RGL1: variants seen among roughly 807,000 people sequenced by gnomAD.
RGL1 encodes ral guanine nucleotide dissociation stimulator like 1, also known as ral guanine nucleotide dissociation stimulator-like 1.
RGL1 carries 24 observed loss-of-function variants against 95.2 expected under a neutral mutation model. The observed-to-expected ratio is 0.25, with a 90% confidence interval of 0.18 to 0.35. The LOEUF (loss-of-function observed/expected upper bound fraction) is 0.35. RGL1 is among the 10% of genes least tolerant of loss of function. The probability of loss-of-function intolerance (pLI) is 1.00; values close to 1 mark genes in which losing one functional copy is unlikely to be tolerated. For synonymous variants in RGL1, 329 were observed against 344.9 expected (o/e 0.95, Z 0.51); for missense variants, 715 against 936.3 (o/e 0.76, Z 3.08).
At position 183,881,861 on chromosome 1, in the gene RGL1, C is replaced by T. The variant is rs1159660873; in HGVS notation, c.610+1061C>T. On this transcript the variant is annotated intron_variant, in intron 5 of 17. Transcript: ENST00000360851. ...AATACCAGGGGCACTCCTCCAGCTG[C>T]GGACCTCAGCTCCCTTCAGGGCCTC... is the stretch of plus-strand genomic sequence containing the variant. Among the ~76,000 whole-genome samples, 14 of 152,340 alleles carry T rather than the reference C, an allele frequency of 9.2e-5. 1 individual carries two copies. In the South Asian group the frequency reaches 1.7e-3, roughly 18 times the overall value.
At chr1:183,867,437 C>A (rs550775722) in intron 4 of RGL1, among the ~76,000 whole-genome samples, 1 of 152,192 alleles carries the variant, frequency 6.6e-6, no homozygotes, top group East Asian at 1.9e-4. Flanking sequence ...TGCCCTAGAT[C>A]GAGTGTGAGG....
intron 2 of RGL1, among the ~76,000 whole-genome samples, chr1:183,817,404 TC>T (rs1166500708): frequency 6.6e-6 from 1 of 152,220 alleles, no homozygotes; most frequent in Non-Finnish European, 1.5e-5. Context: ...TATAGCTGCT[TC>T]CTTCTTGCTT....
intron 1 of RGL1, among the ~76,000 whole-genome samples, chr1:183,658,602 G>A (rs1455806081): frequency 6.6e-6 from 1 of 152,124 alleles, no homozygotes. Context: ...AGGCCTGCCT[G>A]CCTCTGTAGG....
At chr1:183,841,144 T>A (rs2102517638) in intron 2 of RGL1, among the ~76,000 whole-genome samples, 1 of 152,362 alleles carries the variant, frequency 6.6e-6, no homozygotes, top group African/African-American at 2.4e-5. Flanking sequence ...GCCTGGCACA[T>A]AGTACCATTT....
chr1:183,805,514 C>T lies in RGL1; in HGVS notation c.27+190C>T, dbSNP rs146579314. 3.8e-3 allele frequency among the ~76,000 whole-genome samples: 580 copies of T among 152,324 alleles called. 4 individuals carry two copies. Among genetic ancestry groups the T allele is most frequent in the Admixed American group, 0.016 (251 of 15,304 alleles). ...GTCTTCTCCCTTTCAACCGTACCTA[C>T]TTTCTCAGCAATTGCCTGTGGTGTG... On this transcript the variant is annotated intron_variant, in intron 1 of 17. Transcript: ENST00000360851.
intron 3 of RGL1, among the ~76,000 whole-genome samples, chr1:183,860,204 G>A (rs970949632): frequency 2.0e-5 from 3 of 151,996 alleles, no homozygotes; most frequent in Non-Finnish European, 4.4e-5. Context: ...CTTCCTTTCC[G>A]TTCTTTCACT....
intron 4 of RGL1, among the ~76,000 whole-genome samples, chr1:183,871,659 C>T (rs551106506): frequency 1.2e-4 from 18 of 152,270 alleles, no homozygotes; most frequent in African/African-American, 4.3e-4. Context: ...TTAAACCTTT[C>T]AGAGGGTAAA....
chr1:183,666,821 T>G (rs1405237452), intron 1 of RGL1, among the ~76,000 whole-genome samples: 1 of 129,318 alleles, frequency 7.7e-6, no homozygotes, highest in Non-Finnish European at 1.6e-5. Flanking sequence ...GAAGAATGTA[T>G]GGTGTTGAAT....
At chr1:183,637,651 C>A (rs2101966568) in intron 1 of RGL1, among the ~76,000 whole-genome samples, 1 of 152,182 alleles carries the variant, frequency 6.6e-6, no homozygotes, top group Non-Finnish European at 1.5e-5. Context: ...TGGGAAGAAG[C>A]AATGTGGTGT....
chr1:183,757,639 G>A (rs1474699520), intron 2 of RGL1, among the ~76,000 whole-genome samples: 1 of 152,096 alleles, frequency 6.6e-6, no homozygotes, highest in African/African-American at 2.4e-5. Context: ...TATTCTGTTG[G>A]GTTTACAAGA....
chr1:183,668,027 C>G (rs2767309), intron 1 of RGL1, among the ~76,000 whole-genome samples: 10,203 of 71,176 alleles, frequency 0.14, 593 homozygotes, highest in African/African-American at 0.29. Flanking sequence ...GTGTGTGTGT[C>G]TGTGTGTAAT....
intron 1 of RGL1, among the ~76,000 whole-genome samples, chr1:183,669,865 A>G (rs1652321130): frequency 6.6e-6 from 1 of 152,120 alleles, no homozygotes; most frequent in Non-Finnish European, 1.5e-5. Context: ...AAAAGGGGGA[A>G]AAACCCCTTA....
chr1:183,867,646 T>A (rs1271006274), intron 4 of RGL1, among the ~76,000 whole-genome samples: 1 of 151,838 alleles, frequency 6.6e-6, no homozygotes, highest in African/African-American at 2.4e-5. Flanking sequence ...TGTATATGTG[T>A]TTTTTAAAAG....
chr1:183,659,953 A>G (rs1651486059), intron 1 of RGL1, among the ~76,000 whole-genome samples: 1 of 150,722 alleles, frequency 6.6e-6, no homozygotes, highest in Non-Finnish European at 1.5e-5. Flanking sequence ...TATCCAGCCA[A>G]ACTAAGCTTC....
intron 1 of RGL1, among the ~76,000 whole-genome samples, chr1:183,737,161 C>T (rs566226654): frequency 2.0e-5 from 3 of 152,258 alleles, no homozygotes; most frequent in Admixed American, 6.5e-5. Flanking sequence ...AAAGGGCATC[C>T]ATGGAAGTGA....
rs540176244 is a variant in RGL1 at position 183,659,995 on chromosome 1, A to C, written c.-33+23494A>C. Among the ~76,000 whole-genome samples, 7 of 151,954 alleles carry C rather than the reference A, an allele frequency of 4.6e-5. No individual in the cohort carries two copies. In the South Asian group the frequency reaches 1.2e-3, roughly 27 times the overall value. ...GAAGGAGAAATAAAATACTTTACAG[A>C]CAAGCAAATGCTGAGAGATTTTGTC... is the stretch of plus-strand genomic sequence containing the variant. On this transcript the variant is annotated intron_variant, in intron 1 of 18. Coordinates refer to the RGL1 transcript ENST00000304685.
At chr1:183,831,088 T>G in intron 2 of RGL1, among the ~76,000 whole-genome samples, 1 of 152,126 alleles carries the variant, frequency 6.6e-6, no homozygotes, top group Non-Finnish European at 1.5e-5. Flanking sequence ...AACAAACAAG[T>G]AAAGAAGTCA....
At chr1:183,749,695 G>T (rs1371794265) in intron 2 of RGL1, among the ~76,000 whole-genome samples, 1 of 152,154 alleles carries the variant, frequency 6.6e-6, no homozygotes, top group African/African-American at 2.4e-5. Flanking sequence ...GCAGTGGCTG[G>T]TACAGGTTTT....
chr1:183,700,543 A>G (rs1572294047), intron 1 of RGL1, among the ~76,000 whole-genome samples: 1 of 137,798 alleles, frequency 7.3e-6, no homozygotes, highest in South Asian at 2.5e-4. Context: ...TCAACCTGTC[A>G]TCTAGGTTTG....
Sources: gnomAD v4.1 joint callset for allele counts (sites outside exome capture counted in the v4.1 genomes callset) on GRCh38, gnomAD v4.1.1 for gene constraint, MANE v1.5 for transcripts, NCBI Gene and HGNC (gene_info 2026-07-23, HGNC 2026-07-21) for gene names.